The following RAD54L variants were observed in gnomAD, a reference collection of about 807,000 sequenced individuals.
The protein encoded by RAD54L is RAD54 like, also known as DNA repair and recombination protein RAD54-like.
In RAD54L, 74 loss-of-function variants were observed where a neutral mutation model predicts 91.6. The observed-to-expected ratio is 0.81, with a 90% CI of 0.67 to 0.98. The LOEUF (loss-of-function observed/expected upper bound fraction) is 0.98. Ranked by LOEUF, RAD54L falls within the 50% of genes least tolerant of loss-of-function variation. The pLI, the probability that RAD54L is intolerant of heterozygous loss-of-function variation, is 0.00. For missense variants in RAD54L, 887 were observed against 945.7 expected, an observed-to-expected ratio of 0.94 and a Z score of 0.81; for synonymous variants, 304 against 349.7, an observed-to-expected ratio of 0.87 and a Z score of 1.46.
rs3063981 is a variant in RAD54L, at chr1:46,253,720, CTTTTTTTT to C, written c.210+3615_210+3622del. 1.8e-4 allele frequency among the ~76,000 whole-genome samples: 15 copies of C among 83,620 alleles called. 1 individual carries two copies. The South Asian group carries it at 3.7e-3, about 21-fold the overall frequency. The allele number at this position is 83,620 out of a possible 152,430, so 54.9% of individuals were successfully genotyped here. On this transcript the variant is annotated intron_variant, in intron 3 of 17. Coordinates refer to ENST00000371975, the MANE Select transcript of RAD54L (RefSeq NM_003579.4). ...ACTCACAGTGATATACTTAGGTACT[CTTTTTTTT>C]TTTTTTTTTTTTTGAGACAGAGTCT...
intron 9 of RAD54L, among the ~76,000 whole-genome samples, chr1:46,268,555 T>C (rs1408560043): frequency 6.6e-6 from 1 of 152,226 alleles, no homozygotes; most frequent in Non-Finnish European, 1.5e-5. Flanking sequence ...CCTCTCCTTT[T>C]GTCCCGGCAG....
intron 3 of RAD54L, among the ~76,000 whole-genome samples, chr1:46,254,971 A>G (rs1443848973): frequency 6.6e-6 from 1 of 152,180 alleles, no homozygotes; most frequent in Non-Finnish European, 1.5e-5. Context: ...GAGATCCCAG[A>G]AAGGTGGAGA....
At chr1:46,270,611 A>G in intron 9 of RAD54L, 48 bp from the exon 10 acceptor site, 2 of 1,611,852 alleles carry the variant, frequency 1.2e-6, no homozygotes, top group Non-Finnish European at 1.7e-6. Context: ...CTGTGGGAAA[A>G]TCATTCCTTT....
chr1:46,271,520 G>A (rs1310963009), intron 10 of RAD54L, among the ~76,000 whole-genome samples: 1 of 152,136 alleles, frequency 6.6e-6, no homozygotes, highest in African/African-American at 2.4e-5. Flanking sequence ...AGCTGGGTGT[G>A]GTTGGGGTGC....
At chr1:46,257,110 C>T (rs542754152) in intron 3 of RAD54L, among the ~76,000 whole-genome samples, 24 of 144,470 alleles carry the variant, frequency 1.7e-4, no homozygotes, top group African/African-American at 5.9e-4. Flanking sequence ...TGCCATTGCA[C>T]TCCAGCCTGG....
chr1:46,273,215 GA>G, intron 12 of RAD54L, 139 bp from the exon 13 acceptor site: 1 of 800,828 alleles, frequency 1.2e-6, no homozygotes, highest in Non-Finnish European at 2.2e-6. Context: ...TATCCTGTTG[GA>G]ATTTGGTAGG....
intron 10 of RAD54L, among the ~76,000 whole-genome samples, chr1:46,272,025 C>CTTTT (rs1162693010): frequency 0.027 from 1,098 of 41,142 alleles, 295 homozygotes; most frequent in Non-Finnish European, 0.03. Context: ...GGTCTGATGA[C>CTTTT]TTTTTTTTTT....
chr1:46,272,811 G>T lies in RAD54L; in HGVS notation c.1375+9G>T. On this transcript the variant is annotated intron_variant, in intron 12 of 17. Transcript: ENST00000371975. ...AAAGAAGCTTTGTAATCGTGAGTTG[G>T]GCTTGTGTCCTGGTGTCCTCTGTGA... The T allele has an allele frequency of 6.2e-7, 1 of 1,614,038 alleles. No individual in the cohort carries two copies.
At position 46,260,834 on chromosome 1, in the gene RAD54L, A is replaced by G; in HGVS notation, c.585A>G (p.Thr195=). The change falls in exon 7 of 18, where the codon ACA becomes ACG. Residue 195 remains threonine (T), a synonymous_variant. Transcript: ENST00000371975. ...MGLGKTLQCI[T]LMWTLLRQSP... The stretch of plus-strand genomic sequence containing the variant: ...TAGGAAAGACGCTGCAGTGCATCAC[A>G]TTGATGTGGACACTTTTACGCCAGA... 1 of 1,614,250 alleles carries G rather than the reference A, an allele frequency of 6.2e-7. No homozygotes were observed. The highest frequency in any genetic ancestry group is 8.5e-7 in the Non-Finnish European group (1 of 1,180,046).
At chr1:46,260,495 C>G in intron 5 of RAD54L, 47 bp from the exon 6 acceptor site, 1 of 1,575,788 alleles carries the variant, frequency 6.3e-7, no homozygotes, top group Non-Finnish European at 8.7e-7. Context: ...GAGGGTGCTC[C>G]CTTGCCCATG....
chr1:46,278,439 T>G lies in RAD54L; in HGVS notation c.*157T>G. On this transcript the variant is annotated 3_prime_UTR_variant, in exon 18 of 18. Coordinates refer to ENST00000371975, the MANE Select transcript of RAD54L (RefSeq NM_003579.4). ...AATTTATTTTATAAGAAAAACTTTT[T>G]TGGTTAAAAAAAAGAATAAAGGTAT... 1 of 925,208 alleles carries G rather than the reference T, an allele frequency of 1.1e-6. No homozygotes were observed. Among genetic ancestry groups the G allele is most frequent in the Non-Finnish European group, 1.7e-6 (1 of 603,146 alleles). The allele number at this position is 925,208 out of a possible 1,614,324, so 57.3% of individuals were successfully genotyped here.
chr1:46,269,686 A>G (rs570099368), intron 9 of RAD54L, among the ~76,000 whole-genome samples: 1 of 152,296 alleles, frequency 6.6e-6, no homozygotes, highest in South Asian at 2.1e-4. Flanking sequence ...AAAAACTCTA[A>G]CTGGATTTTA....
chr1:46,258,623 T>C (rs1660007486), intron 3 of RAD54L, 63 bp from the exon 4 acceptor site: 1 of 1,227,062 alleles, frequency 8.1e-7, no homozygotes, highest in Non-Finnish European at 1.2e-6. Flanking sequence ...GTGAAGCATA[T>C]CATGATATTG....
At position 46,270,782 on chromosome 1, in the gene RAD54L, A is replaced by G. The variant is rs867454554; in HGVS notation, c.1166A>G (p.Asn389Ser). Residue 389 changes from asparagine to serine, a missense_variant, in exon 10 of 18, where the codon AAT (asparagine) becomes AGT (serine). Transcript: ENST00000371975. The part of the protein sequence containing the change: ...ERLRELTSIV[N>S]RCLIRRTSDI... ...CTGCGGGAGCTCACCAGCATTGTGA[A>G]TAGGTAATGACCTTAAGCGAAGTCA... 1 of 1,614,144 alleles carries G rather than the reference A, an allele frequency of 6.2e-7. No individual in the cohort carries two copies. The highest frequency in any genetic ancestry group is 8.5e-7 in the Non-Finnish European group (1 of 1,180,014).
intron 3 of RAD54L, among the ~76,000 whole-genome samples, chr1:46,257,542 G>A (rs1316670263): frequency 6.6e-6 from 1 of 152,156 alleles, no homozygotes; most frequent in East Asian, 1.9e-4. Context: ...ATAGCCCATG[G>A]AATAATGCTG....
chr1:46,267,390 T>C, intron 8 of RAD54L, 69 bp from the exon 9 acceptor site: 1 of 1,606,058 alleles, frequency 6.2e-7, no homozygotes, highest in East Asian at 2.2e-5. Context: ...CCTCTTTTCC[T>C]GTCTACATGA....
intron 16 of RAD54L, 64 bp from the exon 17 acceptor site, chr1:46,277,753 C>T: frequency 2.0e-6 from 3 of 1,526,546 alleles, no homozygotes; most frequent in Non-Finnish European, 1.8e-6. Context: ...GGTTTTCCTG[C>T]TCCCTTTTTA....
chr1:46,273,013 C>T (rs1003772837), intron 12 of RAD54L, among the ~76,000 whole-genome samples: 6 of 152,170 alleles, frequency 3.9e-5, no homozygotes, highest in Non-Finnish European at 8.8e-5. Context: ...ATCTTCTGTC[C>T]AGCCCATGCT....
At position 46,277,945 on chromosome 1, in the gene RAD54L, C is replaced by T; in HGVS notation, c.1998C>T (p.Ile666=). The part of the protein sequence containing the change: ...FSLGELKELF[I]LDEASLSDTH... ...TGGGCGAGTTGAAGGAGCTGTTTAT[C>T]CTGGATGAAGCTAGCCTCAGTGACA... Residue 666 remains isoleucine (I), a synonymous_variant, in exon 17 of 18, where the codon ATC becomes ATT. Coordinates refer to ENST00000371975, the MANE Select transcript of RAD54L (RefSeq NM_003579.4). The T allele has an allele frequency of 1.2e-6, 2 of 1,614,108 alleles. No individual in the cohort carries two copies. Among genetic ancestry groups the T allele is most frequent in the Non-Finnish European group, 1.7e-6 (2 of 1,180,046 alleles).
Sources: gnomAD v4.1 joint callset for allele counts (sites outside exome capture counted in the v4.1 genomes callset) on GRCh38, gnomAD v4.1.1 for gene constraint, MANE v1.5 for transcripts, NCBI Gene and HGNC (gene_info 2026-07-23, HGNC 2026-07-21) for gene names.